Variants in WBP1L observed in about 807,000 individuals in gnomAD.
The protein encoded by WBP1L is WW domain binding protein 1-like.
In WBP1L, 17 loss-of-function variants were observed where a neutral mutation model predicts 33.7. The ratio of observed to expected loss-of-function variants is 0.50; its 90% CI spans 0.34 to 0.76. The LOEUF (loss-of-function observed/expected upper bound fraction) is 0.76. Ranked by LOEUF, WBP1L falls within the 30% of genes least tolerant of loss-of-function variation. WBP1L has a pLI of 0.01. For synonymous variants in WBP1L, 173 were observed against 190.8 expected (o/e 0.91, Z 0.77); for missense variants, 389 against 469.4 (o/e 0.83, Z 1.58).
intron 2 of WBP1L, among the ~76,000 whole-genome samples, chr10:102,809,394 CAG>C (rs987720369): frequency 8.0e-5 from 12 of 149,088 alleles, no homozygotes; most frequent in African/African-American, 2.5e-4. Flanking sequence ...TTTTTTGAGA[CAG>C]AGTCTTGCTC....
At chr10:102,747,173 C>A (rs1842872744) in intron 1 of WBP1L, among the ~76,000 whole-genome samples, 1 of 152,044 alleles carries the variant, frequency 6.6e-6, no homozygotes, top group Admixed American at 6.6e-5. Context: ...ACCATTCTGG[C>A]CAACATGGTG....
Position 102,744,385 on chromosome 10 carries a change from G to T in WBP1L, c.90+242G>T, listed in dbSNP as rs994238388. On this transcript the variant is annotated intron_variant, in intron 1 of 3. Transcript: ENST00000448841. The stretch of plus-strand genomic sequence containing the variant: ...GAGTGAGGGGCGTTTGAGACGGCAG[G>T]TTGGTTAGGTGGGCTGGGGTGACTG... The T allele has an allele frequency of 4.1e-6, 4 of 985,340 alleles. No individual in the cohort carries two copies. In the African/African-American group the frequency reaches 7.0e-5, roughly 17 times the overall value. The allele number at this position is 985,340 out of a possible 1,614,324, so 61.0% of individuals were successfully genotyped here.
intron 1 of WBP1L, among the ~76,000 whole-genome samples, chr10:102,785,889 C>T (rs1363646397): frequency 6.6e-6 from 1 of 152,202 alleles, no homozygotes; most frequent in African/African-American, 2.4e-5. Flanking sequence ...GGTCCATGAA[C>T]CAGGGTCCAG....
At chr10:102,805,119 A>T (rs1305384160) in intron 2 of WBP1L, among the ~76,000 whole-genome samples, 1 of 151,870 alleles carries the variant, frequency 6.6e-6, no homozygotes, top group Non-Finnish European at 1.5e-5. Context: ...ACCCCCCTAT[A>T]TCTACAAAAA....
chr10:102,803,631 G>A (rs1000337656), intron 2 of WBP1L, among the ~76,000 whole-genome samples: 1 of 149,174 alleles, frequency 6.7e-6, no homozygotes, highest in Non-Finnish European at 1.5e-5. Context: ...TGGAGGCAGG[G>A]TCTTGCTCTG....
chr10:102,803,213 TG>T (rs1347321101), intron 2 of WBP1L, among the ~76,000 whole-genome samples: 1 of 152,198 alleles, frequency 6.6e-6, no homozygotes, highest in Non-Finnish European at 1.5e-5. Flanking sequence ...TTTTCCACTG[TG>T]GCAGTGGCAG....
intron 2 of WBP1L, among the ~76,000 whole-genome samples, chr10:102,805,775 G>A (rs542167606): frequency 4.0e-5 from 6 of 151,814 alleles, no homozygotes; most frequent in Middle Eastern, 3.4e-3. Context: ...GTGCATGCCC[G>A]TAGTCCCAGC....
chr10:102,774,907 A>G (rs1843236775), intron 1 of WBP1L, among the ~76,000 whole-genome samples: 1 of 152,128 alleles, frequency 6.6e-6, no homozygotes, highest in Admixed American at 6.6e-5. Context: ...TGAGCCCAGG[A>G]GTTCAAGACC....
At chr10:102,790,570 G>A (rs1367197148) in intron 1 of WBP1L, among the ~76,000 whole-genome samples, 1 of 152,022 alleles carries the variant, frequency 6.6e-6, no homozygotes, top group Admixed American at 6.6e-5. Flanking sequence ...GAGTACAATG[G>A]TGCAATCTCG....
intron 1 of WBP1L, among the ~76,000 whole-genome samples, chr10:102,746,504 A>G (rs1208312390): frequency 1.3e-5 from 2 of 151,944 alleles, no homozygotes; most frequent in Admixed American, 1.3e-4. Context: ...AGATATCTAT[A>G]GTGAGATTTC....
Position 102,757,847 on chromosome 10 carries a change from G to A in WBP1L, c.90+13704G>A, listed in dbSNP as rs1181907597. 1.2e-3 allele frequency among the ~76,000 whole-genome samples: 175 copies of A among 144,570 alleles called. 1 individual carries two copies. The highest frequency in any genetic ancestry group is 4.4e-3 in the African/African-American group (169 of 38,730). 94.8% of individuals were successfully genotyped at this position (144,570 alleles called of 152,430 possible). On this transcript the variant is annotated intron_variant, in intron 1 of 3. Transcript: ENST00000448841. ...CTGCCTCGGCCTCCCAAAGTGCTGGGATTACAGCATGAGCCACTGTACCTG... is the reference window on the plus strand; with the variant it reads ...CTGCCTCGGCCTCCCAAAGTGCTGGAATTACAGCATGAGCCACTGTACCTG...
At chr10:102,763,012 C>T (rs866282439) in intron 1 of WBP1L, among the ~76,000 whole-genome samples, 1 of 151,956 alleles carries the variant, frequency 6.6e-6, no homozygotes, top group Non-Finnish European at 1.5e-5. Context: ...TGAGACCAGC[C>T]TGGGCAAGAT....
intron 1 of WBP1L, among the ~76,000 whole-genome samples, chr10:102,749,838 T>G (rs1297289496): frequency 6.6e-6 from 1 of 151,788 alleles, no homozygotes; most frequent in Non-Finnish European, 1.5e-5. Context: ...AGTGCAATGG[T>G]GCAGTCTTGG....
In WBP1L at chr10:102,787,951, C is replaced by T. The variant is rs552808546; in HGVS notation, c.91-10042C>T. On this transcript the variant is annotated intron_variant, in intron 1 of 3. Transcript: ENST00000448841. ...AAAATTAGCTGGGCGTGGTGGTGCA[C>T]GCCTGATGTCCCAGCTACTCGGGAG... Among the ~76,000 whole-genome samples the T allele has an allele frequency of 1.4e-3, 210 of 150,636 alleles. 1 individual carries two copies. Among genetic ancestry groups the T allele is most frequent in the African/African-American group, 4.3e-3 (177 of 41,120 alleles).
At chr10:102,745,708 A>G (rs1411959730) in intron 1 of WBP1L, among the ~76,000 whole-genome samples, 1 of 152,110 alleles carries the variant, frequency 6.6e-6, no homozygotes, top group Admixed American at 6.5e-5. Context: ...GAAGTGTCTA[A>G]TTTTTCCTCA....
At position 102,812,733 on chromosome 10, in the gene WBP1L, C is replaced by T. The variant is rs528315445; in HGVS notation, c.494C>T (p.Pro165Leu). 4 of 1,613,908 alleles carry T rather than the reference C, an allele frequency of 2.5e-6. No individual in the cohort carries two copies. The South Asian group carries it at 4.4e-5, about 18-fold the overall frequency. The part of the protein sequence containing the change: ...PPQCGPAGGS[P>L]PGIDPTRGSQ... ...CAGTGTGGCCCTGCAGGTGGCAGTC[C>T]CCCGGGCATCGATCCCACCAGGGGA... The change falls in exon 4 of 4, where the codon CCC becomes CTC. Residue 165 changes from proline to leucine, a missense_variant. Physicochemically the swap from Pro to Leu is moderately conservative, Grantham distance 98. Transcript: ENST00000448841.
intron 2 of WBP1L, among the ~76,000 whole-genome samples, chr10:102,806,924 A>G (rs1843745223): frequency 6.6e-6 from 1 of 152,258 alleles, no homozygotes; most frequent in Middle Eastern, 3.4e-3. Context: ...TTGTGTATAT[A>G]CAAATAAGGG....
intron 1 of WBP1L, among the ~76,000 whole-genome samples, chr10:102,760,685 T>G (rs868589495): frequency 6.6e-6 from 1 of 152,016 alleles, no homozygotes; most frequent in Non-Finnish European, 1.5e-5. Context: ...GAGTCTTCCT[T>G]ATTTCCATCA....
At chr10:102,784,481 A>G (rs1282749472) in intron 1 of WBP1L, among the ~76,000 whole-genome samples, 2 of 136,832 alleles carry the variant, frequency 1.5e-5, no homozygotes, top group African/African-American at 2.8e-5. Flanking sequence ...GCTGGAGTGC[A>G]GTGGCACAAT....
Sources: allele counts gnomAD v4.1 joint callset (sites outside exome capture counted in the v4.1 genomes callset), GRCh38; gene constraint gnomAD v4.1.1; transcripts MANE v1.5; gene names NCBI Gene and HGNC (gene_info 2026-07-23, HGNC 2026-07-21).